Variants in RSBN1 observed in about 807,000 individuals in gnomAD.
The protein encoded by RSBN1 is round spermatid basic protein 1.
Under a neutral mutation model 74.8 loss-of-function variants are expected in RSBN1, and 23 were observed. The observed-to-expected ratio is 0.31, with a 90% CI of 0.22 to 0.44. RSBN1 has a LOEUF of 0.44. RSBN1 is among the 20% of genes least tolerant of loss of function. The probability of loss-of-function intolerance (pLI) is 1.00; values close to 1 mark genes in which losing one functional copy is unlikely to be tolerated. For missense variants in RSBN1, 808 were observed against 1,020.9 expected (o/e 0.79, Z 2.84); for synonymous variants, 407 against 379.6 (o/e 1.07, Z -0.84).
chr1:113,768,184 A>G (rs1426901314), intron 5 of RSBN1, 38 bp downstream of exon 5: 2 of 1,554,762 alleles, frequency 1.3e-6, no homozygotes, highest in South Asian at 1.2e-5. Context: ...GTCTTATACA[A>G]TATTAACCAA....
Position 113,763,335 on chromosome 1 carries a change from G to A in RSBN1, c.*2645C>T, listed in dbSNP as rs1227870412. On this transcript the variant is annotated 3_prime_UTR_variant, in exon 7 of 7. Transcript: ENST00000261441. ...AAGTAATCTCAAGAGCTGGCACAAC[G>A]GATAATATACCAAAAAGGAAGATCA... 1 of 152,634 alleles carries A rather than the reference G, an allele frequency of 6.6e-6. No homozygotes were observed. Among genetic ancestry groups the A allele is most frequent in the African/African-American group, 2.4e-5 (1 of 41,400 alleles). The allele number at this position is 152,634 out of a possible 1,614,324, so 9.5% of individuals were successfully genotyped here.
At chr1:113,799,796 A>T (rs1421614437) in intron 1 of RSBN1, among the ~76,000 whole-genome samples, 1 of 152,200 alleles carries the variant, frequency 6.6e-6, no homozygotes, top group African/African-American at 2.4e-5. Context: ...GACAAGCCCA[A>T]GATGGAATGG....
At chr1:113,795,692 G>A (rs1204654641) in intron 2 of RSBN1, among the ~76,000 whole-genome samples, 1 of 152,128 alleles carries the variant, frequency 6.6e-6, no homozygotes, top group African/African-American at 2.4e-5. Flanking sequence ...TAAGTATCAA[G>A]GTAAGTTGTT....
At chr1:113,781,165 T>C (rs1333241714) in intron 2 of RSBN1, among the ~76,000 whole-genome samples, 1 of 152,206 alleles carries the variant, frequency 6.6e-6, no homozygotes, top group East Asian at 1.9e-4. Context: ...TTTCATCATT[T>C]AAGCCCATTT....
chr1:113,786,450 G>C (rs987552762), intron 2 of RSBN1, among the ~76,000 whole-genome samples: 1 of 152,164 alleles, frequency 6.6e-6, no homozygotes, highest in Admixed American at 6.5e-5. Context: ...GATTATCCAG[G>C]TGGGCTTAAA....
intron 2 of RSBN1, among the ~76,000 whole-genome samples, chr1:113,790,158 T>C (rs1394223244): frequency 6.6e-6 from 1 of 151,536 alleles, no homozygotes; most frequent in Non-Finnish European, 1.5e-5. Flanking sequence ...TTTAGTTACG[T>C]GGGGAGTGGG....
In RSBN1 at chr1:113,765,650, A is replaced by G; in HGVS notation, c.*330T>C. 1 of 213,188 alleles carries G rather than the reference A, an allele frequency of 4.7e-6. No individual in the cohort carries two copies. The highest frequency in any genetic ancestry group is 9.5e-6 in the Non-Finnish European group (1 of 104,864). 13.2% of individuals were successfully genotyped at this position (213,188 alleles called of 1,614,324 possible). On this transcript the variant is annotated 3_prime_UTR_variant, in exon 7 of 7. Transcript: ENST00000261441. ...CAAGAGACAAGGCAAGATAAAATTA[A>G]GGGAAGTGAATAATTTACCAAACAA... is the stretch of plus-strand genomic sequence containing the variant.
Position 113,797,743 on chromosome 1 carries a change from C to A in RSBN1, c.997G>T (p.Val333Leu), listed in dbSNP as rs1234482219. The A allele has an allele frequency of 6.2e-7, 1 of 1,614,104 alleles. No homozygotes were observed. The stretch of plus-strand genomic sequence containing the variant: ...TGGTGAGTCATAAAAGGTGTTTGTA[C>A]TCCCTGGGGTACCCGATATTCTTGC... ...GMQEYRVPQGVQTPFMTHQEH... is the reference protein window; with the variant it reads ...GMQEYRVPQGLQTPFMTHQEH... Residue 333 changes from valine to leucine, a missense_variant, in exon 2 of 7, where the codon GTA becomes TTA. Val to Leu is a conservative substitution (Grantham distance 32, BLOSUM62 1). Around this residue, in one of 6 missense-constraint regions of RSBN1, gnomAD observed 85 missense variants for 126.2 expected, o/e 0.67. Transcript: ENST00000261441.
In RSBN1 at chr1:113,763,041, G is replaced by A. The variant is rs1659710969; in HGVS notation, c.*2939C>T. ...AACCAATTTTTAGAGTTAAAACTTTGGAGGAGAGAACATACTATATAGGTT... is the reference window on the plus strand; with the variant it reads ...AACCAATTTTTAGAGTTAAAACTTTAGAGGAGAGAACATACTATATAGGTT... On this transcript the variant is annotated 3_prime_UTR_variant, in exon 7 of 7. Coordinates refer to ENST00000261441, the MANE Select transcript of RSBN1 (RefSeq NM_018364.5). 6.5e-6 allele frequency: 1 copy of A among 152,714 alleles called. No homozygotes were observed. Among genetic ancestry groups the A allele is most frequent in the African/African-American group, 2.4e-5 (1 of 41,430 alleles). 9.5% of individuals were successfully genotyped at this position (152,714 alleles called of 1,614,324 possible). A position where few individuals can be genotyped will look rare whatever the true frequency, so the allele number is the denominator to read the frequency against.
rs529895107 is a variant in RSBN1, at chr1:113,796,913, A to G, written c.1377+450T>C. Among the ~76,000 whole-genome samples the G allele has an allele frequency of 2.6e-5, 4 of 152,298 alleles. No homozygotes were observed. In the South Asian group the frequency reaches 8.3e-4, roughly 32 times the overall value. On this transcript the variant is annotated intron_variant, in intron 2 of 6. Transcript: ENST00000261441. ...CTTCCAAGTCACATAAATGGGGTAT[A>G]TTTCTGGGATGGACTGCCAACAAGT...
At chr1:113,798,358 G>A (rs922768541) in intron 1 of RSBN1, among the ~76,000 whole-genome samples, 7 of 152,156 alleles carry the variant, frequency 4.6e-5, no homozygotes, top group East Asian at 3.9e-4. Context: ...AACATTATAC[G>A]ATAGCTAAAT....
At chr1:113,773,169 A>C (rs755468344) in intron 4 of RSBN1, among the ~76,000 whole-genome samples, 1 of 152,190 alleles carries the variant, frequency 6.6e-6, no homozygotes, top group Non-Finnish European at 1.5e-5. Flanking sequence ...TGTATAAAGG[A>C]AATTAAAAGG....
At chr1:113,800,111 C>G (rs1178156583) in intron 1 of RSBN1, among the ~76,000 whole-genome samples, 2 of 152,042 alleles carry the variant, frequency 1.3e-5, no homozygotes. Context: ...AGTCAATTAG[C>G]TACTACAAGG....
In RSBN1 at chr1:113,797,568, A is replaced by T; in HGVS notation, c.1172T>A (p.Phe391Tyr). 1 of 1,612,196 alleles carries T rather than the reference A, an allele frequency of 6.2e-7. No individual in the cohort carries two copies. Among genetic ancestry groups the T allele is most frequent in the Non-Finnish European group, 8.5e-7 (1 of 1,178,942 alleles). ...SFLSPMEMER[F>Y]SEEFLALTFS... ...TGTCAAAGCAAGAAACTCCTCAGAA[A>T]ATCTCTCCATCTCCATTGGAGACAA... is the stretch of plus-strand genomic sequence containing the variant. The change falls in exon 2 of 7, where the codon TTT (phenylalanine) becomes TAT (tyrosine). Residue 391 changes from phenylalanine to tyrosine, a missense_variant. Physicochemically the swap from Phe to Tyr is conservative, Grantham distance 22. Around this residue, in one of 6 missense-constraint regions of RSBN1, gnomAD observed 85 missense variants for 126.2 expected, o/e 0.67. Transcript: ENST00000261441.
At position 113,789,855 on chromosome 1, in the gene RSBN1, A is replaced by C. The variant is rs568396543; in HGVS notation, c.1377+7508T>G. ...GCTGCCCAACAAAATACCAAATATA[A>C]TGGTTAAAATTAATGTAGAGTTAGA... On this transcript the variant is annotated intron_variant, in intron 2 of 6. Coordinates refer to ENST00000261441, the MANE Select transcript of RSBN1 (RefSeq NM_018364.5). Among the ~76,000 whole-genome samples, 6 of 152,224 alleles carry C rather than the reference A, an allele frequency of 3.9e-5. No individual in the cohort carries two copies. In the South Asian group the frequency reaches 1.0e-3, roughly 26 times the overall value.
At position 113,807,264 on chromosome 1, in the gene RSBN1, G is replaced by T. The variant is rs148617226; in HGVS notation, c.703+4446C>A. 2.3e-3 allele frequency among the ~76,000 whole-genome samples: 340 copies of T among 149,964 alleles called. 4 individuals carry two copies. Among genetic ancestry groups the T allele is most frequent in the African/African-American group, 8.0e-3 (326 of 40,770 alleles). On this transcript the variant is annotated intron_variant, in intron 1 of 6. Transcript: ENST00000261441. The stretch of plus-strand genomic sequence containing the variant: ...AAGAGGTGGAGGTTGCAGTGAGCCA[G>T]GATCGTGCTACTACACTCCAGCCTG...
chr1:113,808,655 A>G (rs1660766552), intron 1 of RSBN1, among the ~76,000 whole-genome samples: 1 of 152,256 alleles, frequency 6.6e-6, no homozygotes, highest in African/African-American at 2.4e-5. Context: ...CTATTCGGCA[A>G]TGAAAAAGAG....
At chr1:113,805,579 T>C (rs1040756856) in intron 1 of RSBN1, among the ~76,000 whole-genome samples, 1 of 152,182 alleles carries the variant, frequency 6.6e-6, no homozygotes, top group Non-Finnish European at 1.5e-5. Context: ...AAAAATTGAG[T>C]TCTGTATTCA....
chr1:113,783,118 A>G (rs896893494), intron 2 of RSBN1, among the ~76,000 whole-genome samples: 1 of 152,234 alleles, frequency 6.6e-6, no homozygotes, highest in African/African-American at 2.4e-5. Context: ...AAATCAAGCA[A>G]TATGTTTGAA....
Sources: gnomAD v4.1 joint callset for allele counts (sites outside exome capture counted in the v4.1 genomes callset) on GRCh38, gnomAD v4.1.1 for gene constraint, gnomAD v4.1.1 regional missense constraint, MANE v1.5 for transcripts, NCBI Gene and HGNC (gene_info 2026-07-23, HGNC 2026-07-21) for gene names.